The following STK39 variants were observed in gnomAD, a reference collection of about 807,000 sequenced individuals.
STK39 encodes serine/threonine kinase 39.
In STK39, 20 loss-of-function variants were observed where a neutral mutation model predicts 77.8. The ratio of observed to expected loss-of-function variants is 0.26; its 90% CI spans 0.18 to 0.37. The LOEUF (loss-of-function observed/expected upper bound fraction) is 0.37, where lower values mean the gene tolerates loss of function less well. Among genes scored for constraint, STK39 ranks in the 10% least tolerant of loss-of-function variants. The probability of loss-of-function intolerance (pLI) is 1.00; values close to 1 mark genes in which losing one functional copy is unlikely to be tolerated. For missense variants in STK39, 479 were observed against 656.5 expected (o/e 0.73, Z 2.95); for synonymous variants, 246 against 234.1 (o/e 1.05, Z -0.47).
At chr2:168,137,091 C>T (rs2105523026) in intron 8 of STK39, among the ~76,000 whole-genome samples, 1 of 152,306 alleles carries the variant, frequency 6.6e-6, no homozygotes, top group South Asian at 2.1e-4. Flanking sequence ...CTAGAGAAGG[C>T]TTGCCTACTC....
chr2:167,968,235 G>C (rs946693742), intron 16 of STK39, among the ~76,000 whole-genome samples: 10 of 152,188 alleles, frequency 6.6e-5, no homozygotes, highest in African/African-American at 2.2e-4. Context: ...ATTGTGAATA[G>C]TGCTGTGATG....
rs190777269 is a variant in STK39, at chr2:168,199,573, A to G, written c.209-17483T>C. ...GACAGAGTCTCGCTCTGTTGCCGAG[A>G]CTGGAGTGCAGTGGCACGATCTCGG... On this transcript the variant is annotated intron_variant, in intron 1 of 17. Coordinates refer to ENST00000355999, the MANE Select transcript of STK39 (RefSeq NM_013233.3). 1.7e-3 allele frequency among the ~76,000 whole-genome samples: 262 copies of G among 150,776 alleles called. 1 individual carries two copies. The highest frequency in any genetic ancestry group is 5.8e-3 in the African/African-American group (239 of 40,910).
intron 13 of STK39, 117 bp from the exon 14 acceptor site, chr2:168,063,687 T>C: frequency 1.1e-6 from 1 of 890,280 alleles, no homozygotes; most frequent in South Asian, 1.7e-5. Flanking sequence ...AAACTAGATC[T>C]TTACACACGC....
At chr2:168,178,448 T>A (rs1689005295) in intron 2 of STK39, among the ~76,000 whole-genome samples, 1 of 152,248 alleles carries the variant, frequency 6.6e-6, no homozygotes, top group African/African-American at 2.4e-5. Context: ...GGGAGTGTTC[T>A]AATCTAATTG....
At chr2:168,060,401 C>T (rs1410610603) in intron 14 of STK39, among the ~76,000 whole-genome samples, 1 of 152,174 alleles carries the variant, frequency 6.6e-6, no homozygotes, top group East Asian at 1.9e-4. Flanking sequence ...AGAGAGCTTG[C>T]TCTCACTCCC....
intron 16 of STK39, among the ~76,000 whole-genome samples, chr2:168,010,747 A>G (rs1030609329): frequency 6.6e-6 from 1 of 152,190 alleles, no homozygotes; most frequent in African/African-American, 2.4e-5. Context: ...TTGTATCTGC[A>G]TTTATGATAT....
In STK39 at chr2:168,018,525, AAAGAAAAG is replaced by A. The variant is rs1323097786; in HGVS notation, c.1377-1438_1377-1431del. Among the ~76,000 whole-genome samples, 128 of 96,406 alleles carry A rather than the reference AAAGAAAAG, an allele frequency of 1.3e-3. 1 individual carries two copies. Among genetic ancestry groups the A allele is most frequent in the African/African-American group, 8.0e-3 (124 of 15,486 alleles). The allele number at this position is 96,406 out of a possible 152,430, so 63.2% of individuals were successfully genotyped here. A position where few individuals can be genotyped will look rare whatever the true frequency, so the allele number is the denominator to read the frequency against. ...AGAAAAGAAAGAAAAGAAAGAAAAG[AAAGAAAAG>A]AAAGAAAAGAAAGAAAGAAAGAAAG... is the stretch of plus-strand genomic sequence containing the variant. On this transcript the variant is annotated intron_variant, in intron 14 of 17. Transcript: ENST00000355999.
chr2:167,991,322 T>TACC (rs61510783), intron 16 of STK39, among the ~76,000 whole-genome samples: 27,490 of 152,016 alleles, frequency 0.18, 2,697 homozygotes, highest in East Asian at 0.43. Flanking sequence ...AACACTGGAA[T>TACC]ACCCAGCCCT....
chr2:168,100,528 T>C (rs1340705471), intron 10 of STK39, among the ~76,000 whole-genome samples: 2 of 152,146 alleles, frequency 1.3e-5, no homozygotes, highest in African/African-American at 4.8e-5. Context: ...CCTCCCAAAG[T>C]GTAGGGATTA....
At chr2:168,244,334 G>T (rs1337317962) in intron 1 of STK39, among the ~76,000 whole-genome samples, 1 of 152,152 alleles carries the variant, frequency 6.6e-6, no homozygotes, top group Non-Finnish European at 1.5e-5. Context: ...AATCCTGGGG[G>T]ACCAAACTCT....
intron 2 of STK39, 39 bp downstream of exon 2, chr2:168,181,939 G>C (rs1205109865): frequency 6.3e-7 from 1 of 1,577,972 alleles, no homozygotes; most frequent in Non-Finnish European, 8.7e-7. Context: ...CATAGATTAA[G>C]AAAAGCAACC....
intron 16 of STK39, among the ~76,000 whole-genome samples, chr2:167,998,002 T>C (rs137908240): frequency 5.9e-5 from 9 of 152,328 alleles, no homozygotes; most frequent in Admixed American, 2.0e-4. Context: ...GTATAATAAT[T>C]TCTATGTCAT....
rs73017387 is a variant in STK39, at chr2:168,060,507, A to C, written c.1376+2993T>G. ...CAGCCATGCTGACATCCCGATCTCC[A>C]CAACTATGAGAAAATACATTTCTGT... On this transcript the variant is annotated intron_variant, in intron 14 of 17. Coordinates refer to ENST00000355999, the MANE Select transcript of STK39 (RefSeq NM_013233.3). Among the ~76,000 whole-genome samples, 1,402 of 152,318 alleles carry C rather than the reference A, an allele frequency of 9.2e-3. 16 individuals are homozygous for C. The highest frequency in any genetic ancestry group is 0.031 in the African/African-American group (1,298 of 41,570).
intron 10 of STK39, among the ~76,000 whole-genome samples, chr2:168,101,951 C>A (rs1686839736): frequency 6.6e-6 from 1 of 152,060 alleles, no homozygotes; most frequent in Non-Finnish European, 1.5e-5. Context: ...TTTCCCCCTA[C>A]CCACCAGCCC....
At chr2:168,127,943 A>G (rs1204731340) in intron 10 of STK39, among the ~76,000 whole-genome samples, 2 of 152,164 alleles carry the variant, frequency 1.3e-5, no homozygotes, top group Non-Finnish European at 2.9e-5. Flanking sequence ...GGGCTCACAT[A>G]TAGTCCCAGG....
At chr2:168,237,820 C>A (rs1486903754) in intron 1 of STK39, among the ~76,000 whole-genome samples, 1 of 152,118 alleles carries the variant, frequency 6.6e-6, no homozygotes, top group Non-Finnish European at 1.5e-5. Context: ...TCTTGTACCA[C>A]TTCTCACTTA....
At chr2:168,005,343 A>G (rs1373586699) in intron 16 of STK39, among the ~76,000 whole-genome samples, 1 of 151,996 alleles carries the variant, frequency 6.6e-6, no homozygotes, top group Non-Finnish European at 1.5e-5. Context: ...CTTTCCCAAG[A>G]GACCAGACTC....
At chr2:168,065,794 T>C (rs1327259513) in intron 12 of STK39, among the ~76,000 whole-genome samples, 2 of 152,210 alleles carry the variant, frequency 1.3e-5, no homozygotes, top group African/African-American at 4.8e-5. Flanking sequence ...GAAAAGACGT[T>C]GGGGTTAATA....
At chr2:168,177,343 T>C (rs1688979924) in intron 2 of STK39, among the ~76,000 whole-genome samples, 2 of 152,120 alleles carry the variant, frequency 1.3e-5, no homozygotes, top group South Asian at 4.2e-4. Context: ...TTTGATGGCA[T>C]TGATGTATGT....
Sources: allele counts gnomAD v4.1 joint callset (sites outside exome capture counted in the v4.1 genomes callset), GRCh38; gene constraint gnomAD v4.1.1; transcripts MANE v1.5; gene names NCBI Gene and HGNC (gene_info 2026-07-23, HGNC 2026-07-21).